Variants in SPACA1 observed in about 807,000 individuals in gnomAD.
SPACA1 encodes sperm acrosome associated 1, also known as sperm acrosome membrane-associated protein 1.
A neutral mutation model predicts 32.6 loss-of-function variants in SPACA1; 17 were observed. That is an observed-to-expected ratio of 0.52 (90% CI 0.36 to 0.78). SPACA1 has a LOEUF of 0.78. Ranked by LOEUF, SPACA1 falls within the 30% of genes least tolerant of loss-of-function variation. SPACA1 has a pLI of 0.01. For synonymous variants in SPACA1, 140 were observed against 138.1 expected, an observed-to-expected ratio of 1.01 and a Z score of -0.10; for missense variants, 363 against 373.4, an observed-to-expected ratio of 0.97 and a Z score of 0.23.
chr6:88,051,387 G>A lies in SPACA1; in HGVS notation c.209-2559G>A, dbSNP rs181874315. ...GGAATACTTCTAAGGAAGAACAGAA[G>A]TCATAAAATATCAGCCTTTCAAATC... On this transcript the variant is annotated intron_variant, in intron 1 of 6. Coordinates refer to ENST00000237201, the MANE Select transcript of SPACA1 (RefSeq NM_030960.3). Among the ~76,000 whole-genome samples the A allele has an allele frequency of 1.1e-3, 160 of 152,226 alleles. 1 individual carries two copies. Among genetic ancestry groups the A allele is most frequent in the Admixed American group, 2.7e-3 (41 of 15,284 alleles).
intron 5 of SPACA1, among the ~76,000 whole-genome samples, chr6:88,061,431 C>T (rs548013693): frequency 4.6e-4 from 18 of 39,186 alleles, no homozygotes; most frequent in Admixed American, 1.1e-3. Flanking sequence ...CATGCTTGTG[C>T]GCACACACAC....
intron 6 of SPACA1, among the ~76,000 whole-genome samples, chr6:88,064,757 T>A (rs1775952438): frequency 1.3e-5 from 2 of 149,014 alleles, no homozygotes; most frequent in South Asian, 2.1e-4. Context: ...TGTACATATA[T>A]TGTATATACA....
chr6:88,057,249 C>T (rs761415910), intron 2 of SPACA1, among the ~76,000 whole-genome samples: 3 of 152,148 alleles, frequency 2.0e-5, no homozygotes, highest in African/African-American at 7.2e-5. Flanking sequence ...TAGATCAATG[C>T]GAATGTACAC....
intron 5 of SPACA1, among the ~76,000 whole-genome samples, chr6:88,060,696 A>G (rs1775879890): frequency 1.3e-5 from 2 of 152,220 alleles, no homozygotes; most frequent in Non-Finnish European, 2.9e-5. Flanking sequence ...AAAAGGCAAG[A>G]GAATAAAAAC....
intron 1 of SPACA1, among the ~76,000 whole-genome samples, chr6:88,051,215 C>A (rs1775723874): frequency 6.6e-6 from 1 of 151,730 alleles, no homozygotes; most frequent in South Asian, 2.1e-4. Flanking sequence ...ATGTAATATA[C>A]CTTTTAAATA....
intron 1 of SPACA1, among the ~76,000 whole-genome samples, chr6:88,050,660 GAA>G (rs1775714754): frequency 6.6e-6 from 1 of 152,222 alleles, no homozygotes; most frequent in Non-Finnish European, 1.5e-5. Flanking sequence ...AAAGCAATAT[GAA>G]AACATGGGAT....
chr6:88,052,253 A>G (rs1389556158), intron 1 of SPACA1, among the ~76,000 whole-genome samples: 1 of 152,188 alleles, frequency 6.6e-6, no homozygotes, highest in Admixed American at 6.5e-5. Context: ...AACAAGTTGG[A>G]AGAAATTGAA....
intron 1 of SPACA1, among the ~76,000 whole-genome samples, chr6:88,048,739 A>G (rs1242285599): frequency 2.0e-5 from 3 of 151,558 alleles, no homozygotes; most frequent in Non-Finnish European, 2.9e-5. Context: ...GATGCTACAT[A>G]TTAACCAAGG....
intron 2 of SPACA1, among the ~76,000 whole-genome samples, chr6:88,055,532 T>C (rs185870287): frequency 2.0e-4 from 31 of 152,364 alleles, no homozygotes; most frequent in African/African-American, 6.7e-4. Flanking sequence ...AAAATTCTGT[T>C]AAACTCCTGA....
At chr6:88,052,512 A>G (rs1031346131) in intron 1 of SPACA1, among the ~76,000 whole-genome samples, 11 of 152,192 alleles carry the variant, frequency 7.2e-5, no homozygotes, top group Non-Finnish European at 1.3e-4. Flanking sequence ...TGATTTACTT[A>G]TGTGCATTGG....
At chr6:88,059,298 T>G (rs1562479882) in intron 4 of SPACA1, among the ~76,000 whole-genome samples, 155 bp from the exon 5 acceptor site, 1 of 152,238 alleles carries the variant, frequency 6.6e-6, no homozygotes, top group Admixed American at 6.5e-5. Flanking sequence ...GGATTTGAAG[T>G]CTGGATTGTG....
intron 2 of SPACA1, 49 bp from the exon 3 acceptor site, chr6:88,057,563 G>A (rs1401755798): frequency 6.2e-6 from 8 of 1,300,324 alleles, no homozygotes; most frequent in Admixed American, 1.7e-5. Flanking sequence ...AAGACACTCT[G>A]GAATCAGTTT....
intron 5 of SPACA1, among the ~76,000 whole-genome samples, chr6:88,060,847 G>A (rs1033039879): frequency 3.9e-5 from 6 of 152,204 alleles, no homozygotes; most frequent in African/African-American, 1.4e-4. Flanking sequence ...TTAGAAGGGA[G>A]CATGCATTTG....
In SPACA1 at chr6:88,064,117, C is replaced by CA. The variant is rs1455633300; in HGVS notation, c.631dup (p.Ser211LysfsTer6). On this transcript the variant is annotated frameshift_variant, in exon 6 of 7. Transcript: ENST00000237201. LOFTEE classifies it high-confidence loss of function. ...TCTCTAGAATTGCAGATGAGAAGAT[C>CA]AAGCCTACCAGCCACTGATGCAGCC... 6.2e-7 allele frequency: 1 copy of CA among 1,613,030 alleles called. No individual in the cohort carries two copies. Among genetic ancestry groups the CA allele is most frequent in the Admixed American group, 1.7e-5 (1 of 59,938 alleles).
intron 6 of SPACA1, among the ~76,000 whole-genome samples, chr6:88,065,064 C>A (rs1775957731): frequency 6.7e-6 from 1 of 148,682 alleles, no homozygotes; most frequent in African/African-American, 2.4e-5. Flanking sequence ...TATGAGCCCT[C>A]AGGCTTACCA....
intron 5 of SPACA1, 61 bp from the exon 6 acceptor site, chr6:88,064,038 T>C: frequency 6.5e-7 from 1 of 1,540,570 alleles, no homozygotes; most frequent in African/African-American, 1.4e-5. Flanking sequence ...AACTTTTAAG[T>C]TAGATATTCA....
At chr6:88,054,692 A>C (rs558913131) in intron 2 of SPACA1, among the ~76,000 whole-genome samples, 1 of 152,268 alleles carries the variant, frequency 6.6e-6, no homozygotes, top group Admixed American at 6.5e-5. Context: ...AAAACGGGAC[A>C]ATTATCAGAG....
rs538409501 is a variant in SPACA1, at chr6:88,058,320, C to T, written c.368-396C>T. ...ACTCCTAATTATGTTTGATAACTTCCAGCATATAGTTGATTTTTAAAACTG... is the reference window on the plus strand; with the variant it reads ...ACTCCTAATTATGTTTGATAACTTCTAGCATATAGTTGATTTTTAAAACTG... On this transcript the variant is annotated intron_variant, in intron 3 of 6. Coordinates refer to ENST00000237201, the MANE Select transcript of SPACA1 (RefSeq NM_030960.3). Among the ~76,000 whole-genome samples the T allele has an allele frequency of 3.5e-4, 53 of 152,256 alleles. 1 individual carries two copies. Among genetic ancestry groups the T allele is most frequent in the Admixed American group, 3.1e-3 (47 of 15,288 alleles).
At chr6:88,064,270 C>T (rs768950093) in intron 6 of SPACA1, 51 bp downstream of exon 6, 4 of 1,563,810 alleles carry the variant, frequency 2.6e-6, no homozygotes, top group Non-Finnish European at 2.6e-6. Flanking sequence ...TCCTCTTCTT[C>T]CCCCTCCTCA....
Sources: gnomAD v4.1 joint callset for allele counts (sites outside exome capture counted in the v4.1 genomes callset) on GRCh38, gnomAD v4.1.1 for gene constraint, MANE v1.5 for transcripts, NCBI Gene and HGNC (gene_info 2026-07-23, HGNC 2026-07-21) for gene names.